Variants in ALYREF observed in about 807,000 individuals in gnomAD.
ALYREF encodes Aly/REF export factor, also known as THO complex subunit 4.
In ALYREF, 1 loss-of-function variant was observed where a neutral mutation model predicts 25.2. The observed-to-expected ratio is 0.04, with a 90% CI of 0.01 to 0.19. The LOEUF (loss-of-function observed/expected upper bound fraction) is 0.19, where lower values mean the gene tolerates loss of function less well. ALYREF is among the 10% of genes least tolerant of loss of function. ALYREF has a pLI of 1.00. For synonymous variants in ALYREF, 193 were observed against 153.5 expected (o/e 1.26, Z -1.90); for missense variants, 328 against 375.6 (o/e 0.87, Z 1.05).
Position 81,887,962 on chromosome 17 carries a change from AAAAAAAAAAAAG to A in ALYREF, c.*157_*168del, listed in dbSNP as rs1327222535. The A allele has an allele frequency of 4.6e-3, 3,671 of 797,876 alleles. 2 individuals carry two copies. Among genetic ancestry groups the A allele is most frequent in the Middle Eastern group, 0.011 (29 of 2,536 alleles). 49.4% of individuals were successfully genotyped at this position (797,876 alleles called of 1,614,324 possible). A position where few individuals can be genotyped will look rare whatever the true frequency, so the allele number is the denominator to read the frequency against. ...AAAACAGGTCTGTTTCAGAATTAAA[AAAAAAAAAAAAG>A]AAAAAAAAAAAACCTTTACATGAGT... On this transcript the variant is annotated 3_prime_UTR_variant, in exon 6 of 6. Transcript: ENST00000505490.
rs1432748778 is a variant in ALYREF, at chr17:81,888,277, C to A, written c.744G>T (p.Glu248Asp). The A allele has an allele frequency of 1.2e-6, 2 of 1,609,916 alleles. No individual in the cohort carries two copies. Among genetic ancestry groups the A allele is most frequent in the Non-Finnish European group, 1.7e-6 (2 of 1,178,780 alleles). ...AGGCGTCCAGCTGGGCATCCAGCTC[C>A]TCTGCCGAAAGCTGCTGCTTTGAAT... Reference protein sequence around the residue: ...GRNSKQQLSAEELDAQLDAYN... With the variant: ...GRNSKQQLSADELDAQLDAYN... The change falls in exon 5 of 6, where the codon GAG becomes GAT. Residue 248 changes from glutamate (E) to aspartate (D), a missense_variant. Transcript: ENST00000505490. The surrounding 1 kb of genome is among the most constrained non-coding windows in gnomAD (Gnocchi z 5.8).
At position 81,889,702 on chromosome 17, in the gene ALYREF, C is replaced by A. The variant is rs138108291; in HGVS notation, c.391-373G>T. ...AAAATCAAGAGCAAGGGAAGCAGTCCGATATCAGACCAGCTTGAAGGGCCT... is the reference window on the plus strand; with the variant it reads ...AAAATCAAGAGCAAGGGAAGCAGTCAGATATCAGACCAGCTTGAAGGGCCT... On this transcript the variant is annotated intron_variant, in intron 2 of 5. Transcript: ENST00000505490. 192 of 216,906 alleles carry A rather than the reference C, an allele frequency of 8.9e-4. 5 individuals carry two copies. The East Asian group carries it at 0.019, about 21-fold the overall frequency. 13.4% of individuals were successfully genotyped at this position (216,906 alleles called of 1,614,324 possible).
chr17:81,889,614 T>C (rs879480789), intron 2 of ALYREF, among the ~76,000 whole-genome samples: 1 of 152,150 alleles, frequency 6.6e-6, no homozygotes, highest in Non-Finnish European at 1.5e-5. Context: ...TAAGCCACTA[T>C]CCTCTTCAAC....
At chr17:81,891,294 T>G in intron 1 of ALYREF, 29 bp downstream of exon 1, 5 of 1,103,994 alleles carry the variant, frequency 4.5e-6, no homozygotes, top group Non-Finnish European at 5.5e-6. Flanking sequence ...CCCCTCCCAC[T>G]CTCCGGCGCG....
rs989934945 is a variant in ALYREF, at chr17:81,890,885, C to G, written c.259-65G>C. On this transcript the variant is annotated intron_variant, in intron 1 of 5. Transcript: ENST00000505490. Reference sequence around the variant, plus strand: ...CAGTCCAGGGCTTTCCTGACCCTCACGGCTACTCCGGACCCTTCCTCTTCC... The same window carrying G: ...CAGTCCAGGGCTTTCCTGACCCTCAGGGCTACTCCGGACCCTTCCTCTTCC... 5 of 1,607,454 alleles carry G rather than the reference C, an allele frequency of 3.1e-6. No homozygotes were observed. In the African/African-American group the frequency reaches 5.4e-5, roughly 17 times the overall value.
At position 81,888,651 on chromosome 17, in the gene ALYREF, A is replaced by G; in HGVS notation, c.539-68T>C. 6.5e-7 allele frequency: 1 copy of G among 1,544,438 alleles called. No homozygotes were observed. The highest frequency in any genetic ancestry group is 8.8e-7 in the Non-Finnish European group (1 of 1,140,748). On this transcript the variant is annotated intron_variant, in intron 3 of 5. Coordinates refer to ENST00000505490, the MANE Select transcript of ALYREF (RefSeq NM_005782.4). This position sits in a 1 kb window ranked among gnomAD's most constrained non-coding sequence, Gnocchi z 5.8. ...CTGAAACCCACCCAGCTGGCGCCAC[A>G]CCCTGGTCTCCATGCAAACACTGGA...
At position 81,888,464 on chromosome 17, in the gene ALYREF, G is replaced by A. The variant is rs774901756; in HGVS notation, c.603-46C>T. 13 of 1,605,054 alleles carry A rather than the reference G, an allele frequency of 8.1e-6. No individual in the cohort carries two copies. In the Middle Eastern group the frequency reaches 1.2e-3, roughly 143 times the overall value. On this transcript the variant is annotated intron_variant, in intron 4 of 5. Coordinates refer to ENST00000505490, the MANE Select transcript of ALYREF (RefSeq NM_005782.4). This position sits in a 1 kb window ranked among gnomAD's most constrained non-coding sequence, Gnocchi z 5.8. The stretch of plus-strand genomic sequence containing the variant: ...GTTCACACACCCGGAAGGACCCTAA[G>A]AGCGACGCAGCCTCACCCTCGGCCA...
At position 81,888,119 on chromosome 17, in the gene ALYREF, T is replaced by C. The variant is rs2039456801; in HGVS notation, c.*12A>G. The C allele has an allele frequency of 6.2e-7, 1 of 1,614,118 alleles. No homozygotes were observed. Among genetic ancestry groups the C allele is most frequent in the African/African-American group, 1.3e-5 (1 of 75,040 alleles). ...CCTGGGTCCTGTTCCGCACGCGGAT[T>C]TGCTGGTCTGTTTAACTGGTGTCCA... On this transcript the variant is annotated 3_prime_UTR_variant, in exon 6 of 6. Coordinates refer to ENST00000505490, the MANE Select transcript of ALYREF (RefSeq NM_005782.4). The surrounding 1 kb of genome is among the most constrained non-coding windows in gnomAD (Gnocchi z 5.8).
Position 81,887,958 on chromosome 17 carries a change from T to TAAAA in ALYREF, c.*169_*172dup, listed in dbSNP as rs545535430. On this transcript the variant is annotated 3_prime_UTR_variant, in exon 6 of 6. Coordinates refer to ENST00000505490, the MANE Select transcript of ALYREF (RefSeq NM_005782.4). ...GTACAAAACAGGTCTGTTTCAGAATTAAAAAAAAAAAAAAAGAAAAAAAAA... is the reference window on the plus strand; with the variant it reads ...GTACAAAACAGGTCTGTTTCAGAATTAAAAAAAAAAAAAAAAAAAGAAAAAAAAA... 10 of 471,574 alleles carry TAAAA rather than the reference T, an allele frequency of 2.1e-5. No homozygotes were observed. Among genetic ancestry groups the TAAAA allele is most frequent in the African/African-American group, 3.1e-5 (1 of 32,420 alleles). 29.2% of individuals were successfully genotyped at this position (471,574 alleles called of 1,614,324 possible).
chr17:81,890,510 G>C (rs924080969), intron 2 of ALYREF, among the ~76,000 whole-genome samples, 179 bp downstream of exon 2: 1 of 152,168 alleles, frequency 6.6e-6, no homozygotes, highest in Admixed American at 6.5e-5. Flanking sequence ...GGCTCAGCTA[G>C]GCTCGCACCT....
Position 81,888,607 on chromosome 17 carries a change from C to T in ALYREF, c.539-24G>A. ...GCCTGCGGCAAAGAATACGAGAAGG[C>T]ACGTTCTATTGAGAGGCTCTGAAAC... is the stretch of plus-strand genomic sequence containing the variant. On this transcript the variant is annotated intron_variant, in intron 3 of 5. Coordinates refer to ENST00000505490, the MANE Select transcript of ALYREF (RefSeq NM_005782.4). The surrounding 1 kb of genome is among the most constrained non-coding windows in gnomAD (Gnocchi z 5.8). The T allele has an allele frequency of 6.3e-7, 1 of 1,577,400 alleles. No homozygotes were observed.
rs1306535069 is a variant in ALYREF at position 81,888,844 on chromosome 17, G to A, written c.539-261C>T. 4 of 1,416,496 alleles carry A rather than the reference G, an allele frequency of 2.8e-6. No homozygotes were observed. The highest frequency in any genetic ancestry group is 3.7e-6 in the Non-Finnish European group (4 of 1,088,106). The allele number at this position is 1,416,496 out of a possible 1,614,324, so 87.7% of individuals were successfully genotyped here. On this transcript the variant is annotated intron_variant, in intron 3 of 5. Coordinates refer to ENST00000505490, the MANE Select transcript of ALYREF (RefSeq NM_005782.4). The surrounding 1 kb of genome is among the most constrained non-coding windows in gnomAD (Gnocchi z 5.8). Reference sequence around the variant, plus strand: ...TATCGGGGTGCTCGTGGGTGGAGAGGTGTGGGTGACCTGACGAAGAAGAAC... The same window carrying A: ...TATCGGGGTGCTCGTGGGTGGAGAGATGTGGGTGACCTGACGAAGAAGAAC...
chr17:81,888,466 G>A lies in ALYREF; in HGVS notation c.603-48C>T. On this transcript the variant is annotated intron_variant, in intron 4 of 5. Transcript: ENST00000505490. The surrounding 1 kb of genome is among the most constrained non-coding windows in gnomAD (Gnocchi z 5.8). The stretch of plus-strand genomic sequence containing the variant: ...TCACACACCCGGAAGGACCCTAAGA[G>A]CGACGCAGCCTCACCCTCGGCCAAT... 3 of 1,604,972 alleles carry A rather than the reference G, an allele frequency of 1.9e-6. No homozygotes were observed. The highest frequency in any genetic ancestry group is 2.2e-5 in the East Asian group (1 of 44,644).
intron 1 of ALYREF, 112 bp downstream of exon 1, chr17:81,891,211 C>T: frequency 2.1e-6 from 2 of 933,606 alleles, no homozygotes; most frequent in African/African-American, 1.8e-5. Flanking sequence ...TCCGGGCGGC[C>T]GCTCCACCAG....
rs1331489100 is a variant in ALYREF at position 81,888,346 on chromosome 17, G to T, written c.675C>A (p.Gly225=). The change falls in exon 5 of 6, where the codon GGC becomes GGA. Residue 225 remains glycine, a synonymous_variant. Coordinates refer to ENST00000505490, the MANE Select transcript of ALYREF (RefSeq NM_005782.4). This position sits in a 1 kb window ranked among gnomAD's most constrained non-coding sequence, Gnocchi z 5.8. ...CTCTTCCACGGGCGCCTCCGCGGGTGCCTCTCCGGGTGCCTCCACCACCAC... is the reference window on the plus strand; with the variant it reads ...CTCTTCCACGGGCGCCTCCGCGGGTTCCTCTCCGGGTGCCTCCACCACCAC... The part of the protein sequence containing the change: ...GFGGGGGTRR[G]TRGGARGRGR... 1.2e-6 allele frequency: 2 copies of T among 1,603,896 alleles called. No individual in the cohort carries two copies. The highest frequency in any genetic ancestry group is 1.7e-6 in the Non-Finnish European group (2 of 1,178,094).
intron 2 of ALYREF, 54 bp downstream of exon 2, chr17:81,890,635 C>G: frequency 6.3e-7 from 1 of 1,590,774 alleles, no homozygotes; most frequent in Non-Finnish European, 8.5e-7. Flanking sequence ...TCCCCAAAAT[C>G]ACGATCCGTC....
At position 81,888,353 on chromosome 17, in the gene ALYREF, C is replaced by A; in HGVS notation, c.668G>T (p.Arg223Leu). ...ACGGGCGCCTCCGCGGGTGCCTCTC[C>A]GGGTGCCTCCACCACCACCAAAACC... is the stretch of plus-strand genomic sequence containing the variant. The part of the protein sequence containing the change: ...AGGFGGGGGT[R>L]RGTRGGARGR... The change falls in exon 5 of 6, where the codon CGG becomes CTG. Residue 223 changes from arginine to leucine, a missense_variant. Arg to Leu is a moderately radical substitution (Grantham distance 102, BLOSUM62 -2). This residue lies in a region of ALYREF where 108 missense variants were observed against 110.5 expected (regional missense o/e 0.98). Transcript: ENST00000505490. This position sits in a 1 kb window ranked among gnomAD's most constrained non-coding sequence, Gnocchi z 5.8. 1 of 1,603,678 alleles carries A rather than the reference C, an allele frequency of 6.2e-7. No homozygotes were observed.
intron 1 of ALYREF, 129 bp downstream of exon 1, chr17:81,891,194 C>T: frequency 1.4e-6 from 1 of 703,426 alleles, no homozygotes; most frequent in East Asian, 8.1e-5. Context: ...CACGCACCCT[C>T]CGGACCTCCG....
At position 81,890,675 on chromosome 17, in the gene ALYREF, C is replaced by G. The variant is rs754899495; in HGVS notation, c.390+14G>C. On this transcript the variant is annotated intron_variant, in intron 2 of 5. Transcript: ENST00000505490. Reference sequence around the variant, plus strand: ...GCAGGGCGAACGGCTCACCGAGAAGCCCTCGTCTCTTACCTGAATATCGGC... The same window carrying G: ...GCAGGGCGAACGGCTCACCGAGAAGGCCTCGTCTCTTACCTGAATATCGGC... 1.9e-6 allele frequency: 3 copies of G among 1,612,896 alleles called. No individual in the cohort carries two copies. The South Asian group carries it at 3.3e-5, about 18-fold the overall frequency.
Sources: gnomAD v4.1 joint callset for allele counts (sites outside exome capture counted in the v4.1 genomes callset) on GRCh38, gnomAD v4.1.1 for gene constraint, gnomAD v4.1.1 regional missense constraint, Gnocchi (gnomAD v3.1) non-coding constraint, MANE v1.5 for transcripts, NCBI Gene and HGNC (gene_info 2026-07-23, HGNC 2026-07-21) for gene names.